Variants in LILRB5 observed in about 807,000 individuals in gnomAD.
LILRB5 encodes leukocyte immunoglobulin-like receptor subfamily B member 5.
LILRB5 carries 61 observed loss-of-function variants against 68.4 expected under a neutral mutation model. That is an observed-to-expected ratio of 0.89 (90% CI 0.73 to 1.10). LILRB5 has a LOEUF of 1.10. Ranked by LOEUF, LILRB5 falls within the 50% of genes least tolerant of loss-of-function variation. LILRB5 has a pLI of 0.00. For synonymous variants in LILRB5, 356 were observed against 315.8 expected (o/e 1.13, Z -1.35); for missense variants, 771 against 751.6 (o/e 1.03, Z -0.30).
chr19:54,251,443 A>G, intron 12 of LILRB5: 1 of 559,442 alleles, frequency 1.8e-6, no homozygotes, highest in African/African-American at 1.9e-5. Flanking sequence ...CTCTGCCTGC[A>G]GGGGCTCGTC....
intron 10 of LILRB5, 24 bp from the exon 11 acceptor site, chr19:54,252,427 A>G: frequency 6.2e-7 from 1 of 1,613,966 alleles, no homozygotes; most frequent in South Asian, 1.1e-5. Flanking sequence ...CGGGAGTGTG[A>G]GGGGCAGTGA....
In LILRB5 at chr19:54,256,364, C is replaced by T. The variant is rs367677008; in HGVS notation, c.356-22G>A. On this transcript the variant is annotated intron_variant, in intron 3 of 12. Transcript: ENST00000449561. ...AATCCTAGCAGAGAAGGAGGCACGT[C>T]TTAAGTGGGGCTCCGACCTCCCACA... 23 of 1,592,040 alleles carry T rather than the reference C, an allele frequency of 1.4e-5. No individual in the cohort carries two copies. In the African/African-American group the frequency reaches 3.1e-4, roughly 21 times the overall value.
At chr19:54,256,926 A>G (rs2079166649) in intron 2 of LILRB5, 35 bp downstream of exon 2, 2 of 1,613,970 alleles carry the variant, frequency 1.2e-6, no homozygotes, top group South Asian at 2.2e-5. Flanking sequence ...CCCCAGTGAG[A>G]AGAAGGGACC....
chr19:54,255,962 C>T (rs2079126271), intron 4 of LILRB5, 81 bp downstream of exon 4: 1 of 1,176,286 alleles, frequency 8.5e-7, no homozygotes, highest in Non-Finnish European at 1.2e-6. Context: ...GGGGTCCTTG[C>T]CATGATCAGT....
rs1189262449 is a variant in LILRB5, at chr19:54,252,061, T to C, written c.1622A>G (p.Asp541Gly). The change falls in exon 12 of 13, where the codon GAT becomes GGT. Residue 541 changes from aspartate to glycine, a missense_variant. By Grantham distance (94) the Asp-to-Gly change is moderately conservative. Transcript: ENST00000449561. ...ACAGGGGCGGGGCCTCACCGGAGCA[T>C]CCATCTCCACCCCGTCCTTGGGCTG... ...DTQPKDGVEM[D>G]APAAASEAPQ... The C allele has an allele frequency of 1.3e-5, 21 of 1,613,858 alleles. No homozygotes were observed. Among genetic ancestry groups the C allele is most frequent in the Non-Finnish European group, 1.8e-5 (21 of 1,179,922 alleles).
chr19:54,250,716 G>A lies in LILRB5; in HGVS notation c.*70C>T, dbSNP rs971432038. ...CTGGGGTTCATTGGTGTCCACTGGG[G>A]GCAGCTCCTGTGCCTTCTGGAGTCT... On this transcript the variant is annotated 3_prime_UTR_variant, in exon 13 of 13. Coordinates refer to ENST00000449561, the MANE Select transcript of LILRB5 (RefSeq NM_001081442.3). The A allele has an allele frequency of 6.3e-7, 1 of 1,597,816 alleles. No individual in the cohort carries two copies. Among genetic ancestry groups the A allele is most frequent in the African/African-American group, 1.3e-5 (1 of 74,376 alleles).
chr19:54,256,883 TCCACCC>T, intron 2 of LILRB5, 72 bp downstream of exon 2: 1 of 1,611,144 alleles, frequency 6.2e-7, no homozygotes. Flanking sequence ...AACAGCTATC[TCCACCC>T]CCAGCTGCCC....
chr19:54,251,009 C>G, intron 12 of LILRB5, 77 bp from the exon 13 acceptor site: 2 of 1,555,234 alleles, frequency 1.3e-6, no homozygotes, highest in East Asian at 2.2e-5. Context: ...GGAAAGGACT[C>G]TCTCAGTGTC....
At chr19:54,255,724 G>C in intron 4 of LILRB5, 142 bp from the exon 5 acceptor site, 1 of 1,067,978 alleles carries the variant, frequency 9.4e-7, no homozygotes, top group Non-Finnish European at 1.3e-6. Flanking sequence ...TCTCACCTGG[G>C]TCTGTCTTGG....
At chr19:54,251,955 A>T in intron 12 of LILRB5, 99 bp downstream of exon 12, 1 of 1,235,256 alleles carries the variant, frequency 8.1e-7, no homozygotes, top group Non-Finnish European at 1.2e-6. Flanking sequence ...GTCCACCGTG[A>T]CGATGCTGAG....
chr19:54,254,161 ATC>A (rs2079045271), intron 7 of LILRB5, 93 bp from the exon 8 acceptor site: 1 of 1,534,042 alleles, frequency 6.5e-7, no homozygotes, highest in Non-Finnish European at 8.8e-7. Context: ...AACACCCAAC[ATC>A]TCTCTCTGCC....
In LILRB5 at chr19:54,250,703, G is replaced by T; in HGVS notation, c.*83C>A. The T allele has an allele frequency of 1.9e-6, 3 of 1,566,812 alleles. No homozygotes were observed. Among genetic ancestry groups the T allele is most frequent in the South Asian group, 2.3e-5 (2 of 87,298 alleles). The stretch of plus-strand genomic sequence containing the variant: ...GGGTCCAGGCTGGCTGGGGTTCATT[G>T]GTGTCCACTGGGGGCAGCTCCTGTG... On this transcript the variant is annotated 3_prime_UTR_variant, in exon 13 of 13. Coordinates refer to ENST00000449561, the MANE Select transcript of LILRB5 (RefSeq NM_001081442.3).
rs775797814 is a variant in LILRB5, at chr19:54,256,629, T to C, written c.215A>G (p.Gln72Arg). The change falls in exon 3 of 13, where the codon CAG (glutamine) becomes CGG (arginine). Residue 72 changes from glutamine to arginine, a missense_variant. By Grantham distance (43) the Gln-to-Arg change is conservative. Coordinates refer to ENST00000449561, the MANE Select transcript of LILRB5 (RefSeq NM_001081442.3). ...CTTGGCTCCAGGCTCCAGTGGGTTCTGTCTCTTCCGGGCCCATGGGAGTCC... is the reference window on the plus strand; with the variant it reads ...CTTGGCTCCAGGCTCCAGTGGGTTCCGTCTCTTCCGGGCCCATGGGAGTCC... ...KEGLPWARKRQNPLEPGAKAK... is the reference protein window; with the variant it reads ...KEGLPWARKRRNPLEPGAKAK... 17 of 1,614,078 alleles carry C rather than the reference T, an allele frequency of 1.1e-5. No homozygotes were observed. Among genetic ancestry groups the C allele is most frequent in the Non-Finnish European group, 3.4e-6 (4 of 1,180,014 alleles).
intron 4 of LILRB5, 46 bp downstream of exon 4, chr19:54,255,997 A>T (rs200201448): frequency 1.4e-6 from 2 of 1,452,384 alleles, no homozygotes; most frequent in Admixed American, 2.3e-5. Context: ...CCAACAACCT[A>T]TCTGGTTCCC....
At chr19:54,256,386 C>G (rs2147664284) in intron 3 of LILRB5, 44 bp from the exon 4 acceptor site, 1 of 1,586,846 alleles carries the variant, frequency 6.3e-7, no homozygotes, top group South Asian at 1.1e-5. Context: ...TCCGACCTCC[C>G]ACATCATCCC....
chr19:54,255,637 C>T, intron 4 of LILRB5, 55 bp from the exon 5 acceptor site: 1 of 1,550,814 alleles, frequency 6.4e-7, no homozygotes, highest in Non-Finnish European at 8.7e-7. Context: ...CCGCCCCTTC[C>T]TTCTCCCGTC....
In LILRB5 at chr19:54,254,729, C is replaced by T. The variant is rs73938621; in HGVS notation, c.1255+6G>A. The stretch of plus-strand genomic sequence containing the variant: ...AGCTTGGACAGGACAGGGTCAGGGC[C>T]CTCACCTGAGACCACGAGCTCCTGG... On this transcript the variant is annotated splice_donor_region_variant and intron_variant, in intron 6 of 12. Coordinates refer to ENST00000449561, the MANE Select transcript of LILRB5 (RefSeq NM_001081442.3). 37,267 of 1,613,652 alleles carry T rather than the reference C, an allele frequency of 0.023. 1,658 individuals carry two copies. Among genetic ancestry groups the T allele is most frequent in the African/African-American group, 0.18 (13,316 of 74,954 alleles).
Position 54,254,305 on chromosome 19 carries a change from C to A in LILRB5, c.1306+60G>T. ...GAGGGGAATAGGATCCTCGGGGAGA[C>A]TCAGGGCTGCCTGGGGGGAGACCAC... On this transcript the variant is annotated intron_variant, in intron 7 of 12. Coordinates refer to ENST00000449561, the MANE Select transcript of LILRB5 (RefSeq NM_001081442.3). 3 of 1,532,340 alleles carry A rather than the reference C, an allele frequency of 2.0e-6. No homozygotes were observed. In the Middle Eastern group the frequency reaches 5.2e-4, roughly 266 times the overall value. The allele number at this position is 1,532,340 out of a possible 1,614,324, so 94.9% of individuals were successfully genotyped here.
intron 8 of LILRB5, 183 bp downstream of exon 8, chr19:54,253,835 G>A: frequency 6.7e-7 from 1 of 1,493,206 alleles, no homozygotes; most frequent in Non-Finnish European, 9.0e-7. Context: ...CGGTGGGACA[G>A]GACAGTCCCC....
Sources: gnomAD v4.1 joint callset for allele counts on GRCh38, gnomAD v4.1.1 for gene constraint, MANE v1.5 for transcripts, NCBI Gene and HGNC (gene_info 2026-07-23, HGNC 2026-07-21) for gene names.